TBC1D7: variants seen among roughly 807,000 people sequenced by gnomAD.
The protein encoded by TBC1D7 is TBC domain family 7.
In TBC1D7, 33 loss-of-function variants were observed where a neutral mutation model predicts 35.3. The observed-to-expected ratio is 0.93, with a 90% CI of 0.71 to 1.25. TBC1D7 has a LOEUF of 1.25. Among genes scored for constraint, TBC1D7 ranks in the 50% most tolerant of loss-of-function variants. The pLI is 0.00. For missense variants in TBC1D7, 362 were observed against 365.3 expected (o/e 0.99, Z 0.07); for synonymous variants, 135 against 129.5 (o/e 1.04, Z -0.29).
At chr6:13,309,148 C>T (rs1562158186) in intron 5 of TBC1D7, among the ~76,000 whole-genome samples, 1 of 152,194 alleles carries the variant, frequency 6.6e-6, no homozygotes, top group Non-Finnish European at 1.5e-5. Flanking sequence ...AGACAACTTC[C>T]CAAACAAGGA....
At chr6:13,319,284 A>C (rs192880166) in intron 4 of TBC1D7, 1 of 152,200 alleles carries the variant, frequency 6.6e-6, no homozygotes, top group Non-Finnish European at 1.5e-5. Flanking sequence ...ACATGGAGAA[A>C]TCCCATCTTT....
intron 3 of TBC1D7, among the ~76,000 whole-genome samples, chr6:13,323,277 C>T (rs559094737): frequency 7.1e-4 from 108 of 151,998 alleles, no homozygotes; most frequent in Non-Finnish European, 1.2e-3. Context: ...CGCCTGAACC[C>T]GGGAGGCAGA....
chr6:13,317,530 T>C (rs1783720543), intron 4 of TBC1D7, among the ~76,000 whole-genome samples: 2 of 152,252 alleles, frequency 1.3e-5, no homozygotes, highest in Non-Finnish European at 2.9e-5. Flanking sequence ...TATTTCATTC[T>C]AAGCCCTTCT....
At chr6:13,305,361 G>T (rs1324343442) in intron 7 of TBC1D7, among the ~76,000 whole-genome samples, 174 bp from the exon 8 acceptor site, 1 of 152,230 alleles carries the variant, frequency 6.6e-6, no homozygotes, top group Admixed American at 6.5e-5. Flanking sequence ...GGGCTCCAGT[G>T]TCAGCCTGCC....
chr6:13,324,278 C>T lies in TBC1D7; in HGVS notation c.193+816G>A, dbSNP rs569791149. 5.3e-5 allele frequency among the ~76,000 whole-genome samples: 8 copies of T among 152,244 alleles called. No homozygotes were observed. The South Asian group carries it at 1.7e-3, about 32-fold the overall frequency. On this transcript the variant is annotated intron_variant, in intron 3 of 7. Transcript: ENST00000379300. Reference sequence around the variant, plus strand: ...AGGTAGCTGGGACTACAGGCGCATGCCACCATGCCCAGCTGATTTTTTGTA... The same window carrying T: ...AGGTAGCTGGGACTACAGGCGCATGTCACCATGCCCAGCTGATTTTTTGTA...
chr6:13,312,198 C>CTAAATTTA (rs1354868538), intron 5 of TBC1D7, among the ~76,000 whole-genome samples: 8 of 152,048 alleles, frequency 5.3e-5, no homozygotes, highest in Admixed American at 5.2e-4. Flanking sequence ...TTTAGCACTG[C>CTAAATTTA]CTGACATGAA....
intron 7 of TBC1D7, chr6:13,305,496 C>T: frequency 2.3e-6 from 1 of 430,114 alleles, no homozygotes; most frequent in Non-Finnish European, 4.3e-6. Context: ...GAGCTGTTCA[C>T]AGTAGGACAT....
chr6:13,324,489 C>T (rs1784276584), intron 3 of TBC1D7, among the ~76,000 whole-genome samples: 1 of 152,152 alleles, frequency 6.6e-6, no homozygotes, highest in African/African-American at 2.4e-5. Flanking sequence ...TATGCTCCAG[C>T]AGGCTCAGCA....
At position 13,305,069 on chromosome 6, in the gene TBC1D7, CCTGGCAGA is replaced by C; in HGVS notation, c.*24_*31del. On this transcript the variant is annotated 3_prime_UTR_variant, in exon 8 of 8. Coordinates refer to ENST00000379300, the MANE Select transcript of TBC1D7 (RefSeq NM_016495.6). ...CAAGAACACAATGCTCACTGTGGTG[CCTGGCAGA>C]CGGTCCACAACCAGCGGGTGCGTTC... 1 of 1,546,634 alleles carries C rather than the reference CCTGGCAGA, an allele frequency of 6.5e-7. No individual in the cohort carries two copies. The highest frequency in any genetic ancestry group is 8.8e-7 in the Non-Finnish European group (1 of 1,134,340).
chr6:13,318,758 AAAG>A (rs1327606809), intron 4 of TBC1D7: 2 of 152,324 alleles, frequency 1.3e-5, no homozygotes, highest in African/African-American at 4.8e-5. Flanking sequence ...TGATATAAAT[AAAG>A]AAGGAGAAGG....
At chr6:13,323,480 T>C (rs947628211) in intron 3 of TBC1D7, among the ~76,000 whole-genome samples, 1 of 152,118 alleles carries the variant, frequency 6.6e-6, no homozygotes, top group Non-Finnish European at 1.5e-5. Context: ...TCCACTGCAG[T>C]TATTAATAGA....
chr6:13,320,804 G>C lies in TBC1D7; in HGVS notation c.381+104C>G, dbSNP rs770528064. 3 of 1,042,902 alleles carry C rather than the reference G, an allele frequency of 2.9e-6. No homozygotes were observed. In the African/African-American group the frequency reaches 4.7e-5, roughly 16 times the overall value. The allele number at this position is 1,042,902 out of a possible 1,614,324, so 64.6% of individuals were successfully genotyped here. On this transcript the variant is annotated intron_variant, in intron 4 of 7. Coordinates refer to ENST00000379300, the MANE Select transcript of TBC1D7 (RefSeq NM_016495.6). ...TGTCACTTTTATTCTAATAACAACA[G>C]GGAGCCACCAAAAGTTTTTAAGGCA...
Position 13,328,375 on chromosome 6 carries a change from G to T in TBC1D7, c.-88C>A. The T allele has an allele frequency of 6.5e-6, 1 of 153,134 alleles. No homozygotes were observed. The highest frequency in any genetic ancestry group is 1.9e-4 in the South Asian group (1 of 5,276). The allele number at this position is 153,134 out of a possible 1,614,324, so 9.5% of individuals were successfully genotyped here. ...GGAAGCCGTGCCCTGTGCGCTGACC[G>T]ACCGCCGGGCAGGCGGGCACCGTTG... On this transcript the variant is annotated 5_prime_UTR_variant, in exon 1 of 8. Transcript: ENST00000379300.
intron 4 of TBC1D7, chr6:13,320,181 A>C (rs948316379): frequency 2.0e-5 from 3 of 152,856 alleles, no homozygotes; most frequent in African/African-American, 7.2e-5. Context: ...GTCCCAAGTC[A>C]AAGGAGACTA....
chr6:13,321,733 C>G (rs1029029518), intron 3 of TBC1D7, among the ~76,000 whole-genome samples: 3 of 152,198 alleles, frequency 2.0e-5, no homozygotes, highest in Admixed American at 6.5e-5. Context: ...ATCCTGGGTT[C>G]TAGCCTCGGA....
chr6:13,324,504 T>C lies in TBC1D7; in HGVS notation c.193+590A>G, dbSNP rs183879390. 3.1e-3 allele frequency among the ~76,000 whole-genome samples: 468 copies of C among 152,232 alleles called. 2 individuals are homozygous for C. The highest frequency in any genetic ancestry group is 0.011 in the African/African-American group (452 of 41,538). On this transcript the variant is annotated intron_variant, in intron 3 of 7. Coordinates refer to ENST00000379300, the MANE Select transcript of TBC1D7 (RefSeq NM_016495.6). ...TATGCTCCAGCAGGCTCAGCAATGA[T>C]AGGGGAAAGAAAATCTTGGGCTCAA... is the stretch of plus-strand genomic sequence containing the variant.
At position 13,307,806 on chromosome 6, in the gene TBC1D7, A is replaced by G. The variant is rs1354201363; in HGVS notation, c.520-61T>C. Reference sequence around the variant, plus strand: ...CTGTGTCATAACATCATCTGATATTATAGTCTCTGATGAAAAAAAAGTACA... The same window carrying G: ...CTGTGTCATAACATCATCTGATATTGTAGTCTCTGATGAAAAAAAAGTACA... On this transcript the variant is annotated intron_variant, in intron 5 of 7. Transcript: ENST00000379300. 3.3e-6 allele frequency: 5 copies of G among 1,514,654 alleles called. No individual in the cohort carries two copies. The African/African-American group carries it at 5.6e-5, about 17-fold the overall frequency. The allele number at this position is 1,514,654 out of a possible 1,614,324, so 93.8% of individuals were successfully genotyped here. A position where few individuals can be genotyped will look rare whatever the true frequency, so the allele number is the denominator to read the frequency against.
Position 13,316,405 on chromosome 6 carries a change from G to C in TBC1D7, c.519+166C>G, listed in dbSNP as rs3816209. On this transcript the variant is annotated intron_variant, in intron 5 of 7. Transcript: ENST00000379300. ...CAATAGAGACCATCTGGCCCACCAA[G>C]CTGGAAATATTTAGATTATATGGAC... 0.17 allele frequency among the ~76,000 whole-genome samples: 26,166 copies of C among 152,042 alleles called. 2,657 individuals carry two copies. The highest frequency in any genetic ancestry group is 0.35 in the East Asian group (1,811 of 5,152).
At chr6:13,315,486 G>A (rs1783538119) in intron 5 of TBC1D7, among the ~76,000 whole-genome samples, 1 of 152,188 alleles carries the variant, frequency 6.6e-6, no homozygotes, top group African/African-American at 2.4e-5. Context: ...GGCCAAGGTG[G>A]GCGGATAACC....
Sources: gnomAD v4.1 joint callset for allele counts (sites outside exome capture counted in the v4.1 genomes callset) on GRCh38, gnomAD v4.1.1 for gene constraint, MANE v1.5 for transcripts, NCBI Gene and HGNC (gene_info 2026-07-23, HGNC 2026-07-21) for gene names.